RXFP1: variants seen among roughly 807,000 people sequenced by gnomAD.
RXFP1 encodes relaxin family peptide receptor 1.
Under a neutral mutation model 89.8 loss-of-function variants are expected in RXFP1, and 73 were observed. The observed-to-expected ratio is 0.81, with a 90% CI of 0.67 to 0.99. The LOEUF (loss-of-function observed/expected upper bound fraction) is 0.99, where lower values mean the gene tolerates loss of function less well. Among genes scored for constraint, RXFP1 ranks in the 50% least tolerant of loss-of-function variants. RXFP1 has a pLI of 0.00. For missense variants in RXFP1, 793 were observed against 895.5 expected (o/e 0.89, Z 1.46); for synonymous variants, 277 against 305.5 (o/e 0.91, Z 0.97).
At chr4:158,609,853 T>C (rs1251019941) in intron 6 of RXFP1, among the ~76,000 whole-genome samples, 2 of 152,186 alleles carry the variant, frequency 1.3e-5, no homozygotes, top group Non-Finnish European at 2.9e-5. Flanking sequence ...ATCTGTTTGG[T>C]TTAATGTTCA....
intron 11 of RXFP1, among the ~76,000 whole-genome samples, chr4:158,630,373 A>G (rs1767800412): frequency 6.6e-6 from 1 of 152,226 alleles, no homozygotes; most frequent in Non-Finnish European, 1.5e-5. Context: ...TAGTCTAAAT[A>G]GTAGGGGGAG....
chr4:158,637,979 G>T lies in RXFP1; in HGVS notation c.972-29G>T, dbSNP rs571399817. Reference sequence around the variant, plus strand: ...CTTTACTCATGTAGTTTTTAGAAATGACCTATTGCTGCTTTTTTTAAAAAA... The same window carrying T: ...CTTTACTCATGTAGTTTTTAGAAATTACCTATTGCTGCTTTTTTTAAAAAA... On this transcript the variant is annotated intron_variant, in intron 12 of 17. Coordinates refer to ENST00000307765, the MANE Select transcript of RXFP1 (RefSeq NM_021634.4). 2.2e-6 allele frequency: 3 copies of T among 1,385,120 alleles called. No individual in the cohort carries two copies. In the South Asian group the frequency reaches 3.5e-5, roughly 16 times the overall value. 85.8% of individuals were successfully genotyped at this position (1,385,120 alleles called of 1,614,324 possible).
intron 2 of RXFP1, chr4:158,573,042 C>T: frequency 1.5e-6 from 1 of 658,602 alleles, no homozygotes. Flanking sequence ...CGGAGTCTCG[C>T]TCTGTTGCCA....
At chr4:158,526,991 C>T (rs184566854) in intron 1 of RXFP1, among the ~76,000 whole-genome samples, 2 of 152,284 alleles carry the variant, frequency 1.3e-5, no homozygotes, top group East Asian at 3.9e-4. Context: ...CAGATGGACA[C>T]AGCTCTGTCT....
chr4:158,567,314 C>T, intron 1 of RXFP1, among the ~76,000 whole-genome samples: 1 of 152,206 alleles, frequency 6.6e-6, no homozygotes, highest in East Asian at 1.9e-4. Flanking sequence ...GCAGGCAGCT[C>T]CACCTGCAGC....
intron 1 of RXFP1, among the ~76,000 whole-genome samples, chr4:158,542,028 T>C (rs565845919): frequency 4.9e-5 from 7 of 143,110 alleles, no homozygotes; most frequent in Non-Finnish European, 7.6e-5. Flanking sequence ...CAAGCGATTC[T>C]TCTGCCTCAG....
At chr4:158,571,394 C>T (rs774503971) in intron 1 of RXFP1, among the ~76,000 whole-genome samples, 3 of 152,142 alleles carry the variant, frequency 2.0e-5, no homozygotes, top group Admixed American at 6.5e-5. Flanking sequence ...AGGCTGGGCG[C>T]GGTGGCTCAC....
intron 12 of RXFP1, among the ~76,000 whole-genome samples, chr4:158,635,914 G>C (rs1461304662): frequency 6.6e-6 from 1 of 151,692 alleles, no homozygotes; most frequent in Non-Finnish European, 1.5e-5. Flanking sequence ...GCTCATATTG[G>C]ACTTCAAGGC....
rs1299531548 is a variant in RXFP1, at chr4:158,521,925, C to T, written c.-52C>T. 7.2e-7 allele frequency: 1 copy of T among 1,380,786 alleles called. No individual in the cohort carries two copies. Among genetic ancestry groups the T allele is most frequent in the Non-Finnish European group, 1.0e-6 (1 of 974,912 alleles). The allele number at this position is 1,380,786 out of a possible 1,614,324, so 85.5% of individuals were successfully genotyped here. On this transcript the variant is annotated 5_prime_UTR_variant, in exon 1 of 18. Coordinates refer to ENST00000307765, the MANE Select transcript of RXFP1 (RefSeq NM_021634.4). ...CTGTGAGCTGTATGCGATTCAGAAA[C>T]CAAGACCAAATTTTGCTCACTTTCA... is the stretch of plus-strand genomic sequence containing the variant.
At chr4:158,553,519 C>T (rs758595113) in intron 1 of RXFP1, among the ~76,000 whole-genome samples, 3 of 152,056 alleles carry the variant, frequency 2.0e-5, no homozygotes. Flanking sequence ...ATAACAACAG[C>T]AAGGAAGCAG....
chr4:158,640,253 T>C (rs1770101037), intron 14 of RXFP1, among the ~76,000 whole-genome samples: 1 of 152,224 alleles, frequency 6.6e-6, no homozygotes, highest in Non-Finnish European at 1.5e-5. Flanking sequence ...TCTCCTCAGC[T>C]CTAATAACTG....
intron 1 of RXFP1, among the ~76,000 whole-genome samples, chr4:158,537,754 G>A (rs1218482742): frequency 6.6e-6 from 1 of 152,152 alleles, no homozygotes; most frequent in South Asian, 2.1e-4. Context: ...TTATAATCTG[G>A]TGGTGATATT....
At position 158,626,140 on chromosome 4, in the gene RXFP1, A is replaced by ATAGATAGATAGATAGATAGATAGT. The variant is rs1561157729; in HGVS notation, c.756-657_756-656insTTAGATAGATAGATAGATAGATAG. Among the ~76,000 whole-genome samples the ATAGATAGATAGATAGATAGATAGT allele has an allele frequency of 2.4e-4, 35 of 147,342 alleles. 1 individual carries two copies. The highest frequency in any genetic ancestry group is 8.9e-4 in the African/African-American group (34 of 38,418). On this transcript the variant is annotated intron_variant, in intron 9 of 17. Coordinates refer to ENST00000307765, the MANE Select transcript of RXFP1 (RefSeq NM_021634.4). ...GATAGATAGATAGATAGATAGATAG[A>ATAGATAGATAGATAGATAGATAGT]TAGATAGATAGATAGATAGATAGAT...
chr4:158,544,383 A>G (rs1357960801), intron 1 of RXFP1: 1 of 984,044 alleles, frequency 1.0e-6, no homozygotes, highest in Non-Finnish European at 1.2e-6. Flanking sequence ...CAGATCACCC[A>G]GAATGGACAT....
intron 6 of RXFP1, among the ~76,000 whole-genome samples, chr4:158,611,085 T>C (rs1255918430): frequency 6.6e-6 from 1 of 152,250 alleles, no homozygotes; most frequent in East Asian, 1.9e-4. Context: ...GACACTGCTA[T>C]AAAACATAAT....
intron 9 of RXFP1, among the ~76,000 whole-genome samples, chr4:158,623,126 A>G (rs542099474): frequency 7.2e-5 from 11 of 152,304 alleles, no homozygotes; most frequent in African/African-American, 1.9e-4. Context: ...ATATCACATT[A>G]TAAGTCTATA....
chr4:158,620,158 A>G (rs951468011), intron 9 of RXFP1, among the ~76,000 whole-genome samples: 59 of 152,356 alleles, frequency 3.9e-4, no homozygotes, highest in Non-Finnish European at 1.2e-4. Flanking sequence ...GATGGAAACT[A>G]CAAAAGAGAA....
At chr4:158,643,344 A>G (rs1252875020) in intron 14 of RXFP1, among the ~76,000 whole-genome samples, 2 of 152,146 alleles carry the variant, frequency 1.3e-5, no homozygotes. Flanking sequence ...CTAACTGCCT[A>G]AATACTTTCT....
At chr4:158,571,639 G>A (rs2346794) in intron 1 of RXFP1, among the ~76,000 whole-genome samples, 104,246 of 152,022 alleles carry the variant, frequency 0.69, 41,800 homozygotes, top group East Asian at 0.97. Context: ...TCCAGCCTGG[G>A]CGACAAGAGT....
Sources: gnomAD v4.1 joint callset for allele counts (sites outside exome capture counted in the v4.1 genomes callset) on GRCh38, gnomAD v4.1.1 for gene constraint, MANE v1.5 for transcripts, NCBI Gene and HGNC (gene_info 2026-07-23, HGNC 2026-07-21) for gene names.